SLC6A15: variants seen among roughly 807,000 people sequenced by gnomAD.
SLC6A15 encodes the protein solute carrier family 6 member 15.
In SLC6A15, 33 loss-of-function variants were observed where a neutral mutation model predicts 68.5. The observed-to-expected ratio is 0.48, with a 90% CI of 0.37 to 0.64. The LOEUF (loss-of-function observed/expected upper bound fraction) is 0.64. Among genes scored for constraint, SLC6A15 ranks in the 30% least tolerant of loss-of-function variants. The pLI is 0.00. For missense variants in SLC6A15, 747 were observed against 874.3 expected, an observed-to-expected ratio of 0.85 and a Z score of 1.84; for synonymous variants, 347 against 301.0, an observed-to-expected ratio of 1.15 and a Z score of -1.58.
intron 1 of SLC6A15, among the ~76,000 whole-genome samples, chr12:84,895,864 C>T (rs907686964): frequency 6.6e-6 from 1 of 151,904 alleles, no homozygotes; most frequent in Non-Finnish European, 1.5e-5. Flanking sequence ...TCTAAAAGCC[C>T]GCCTAAAAAC....
chr12:84,897,103 G>A (rs560764876), intron 1 of SLC6A15, among the ~76,000 whole-genome samples: 194 of 152,298 alleles, frequency 1.3e-3, no homozygotes, highest in African/African-American at 4.5e-3. Context: ...TGGGGCAGGA[G>A]AATCATTTGA....
intron 1 of SLC6A15, among the ~76,000 whole-genome samples, chr12:84,893,315 A>C (rs1872501806): frequency 6.6e-6 from 1 of 152,190 alleles, no homozygotes; most frequent in Admixed American, 6.5e-5. Flanking sequence ...ACCCAATCAT[A>C]AGGAAAAGTA....
intron 1 of SLC6A15, among the ~76,000 whole-genome samples, chr12:84,896,383 A>AG (rs1233527608): frequency 6.6e-6 from 1 of 152,136 alleles, no homozygotes; most frequent in Non-Finnish European, 1.5e-5. Flanking sequence ...AAAAAAAAAA[A>AG]GATTGTGTTG....
chr12:84,870,049 A>G (rs1441335848), intron 9 of SLC6A15, among the ~76,000 whole-genome samples: 2 of 151,936 alleles, frequency 1.3e-5, no homozygotes, highest in Non-Finnish European at 2.9e-5. Flanking sequence ...CTGCTGCTGT[A>G]TATGAGAACG....
Position 84,870,664 on chromosome 12 carries a change from G to A in SLC6A15, c.1309C>T (p.Gln437Ter). The A allele has an allele frequency of 6.2e-7, 1 of 1,606,568 alleles. No homozygotes were observed. The highest frequency in any genetic ancestry group is 8.5e-7 in the Non-Finnish European group (1 of 1,176,018). ...GCAATAAAAGCTAAGCCGGTCCCCT[G>A]AACAGCCTGCAAAATACACAAAATA... ...KIEEELNKAV[Q>*]GTGLAFIAFT... The change falls in exon 9 of 12, where the codon CAG becomes TAG. Residue 437 changes from glutamine (Q) to a stop codon, truncating the protein, a stop_gained. Coordinates refer to ENST00000266682, the MANE Select transcript of SLC6A15 (RefSeq NM_182767.6). LOFTEE classifies it high-confidence loss of function.
In SLC6A15 at chr12:84,860,132, T is replaced by C. The variant is rs1158764320; in HGVS notation, c.*1500A>G. ...TAATACTTTAAATGCTGTGATACCA[T>C]TTATTAACATCTATCTATAGCAGAG... On this transcript the variant is annotated 3_prime_UTR_variant, in exon 12 of 12. Coordinates refer to ENST00000266682, the MANE Select transcript of SLC6A15 (RefSeq NM_182767.6). 3 of 152,132 alleles carry C rather than the reference T, an allele frequency of 2.0e-5. No homozygotes were observed. The highest frequency in any genetic ancestry group is 3.8e-4 in the East Asian group (2 of 5,202). 9.4% of individuals were successfully genotyped at this position (152,132 alleles called of 1,614,324 possible).
intron 10 of SLC6A15, among the ~76,000 whole-genome samples, chr12:84,866,302 G>C (rs915017136): frequency 9.2e-5 from 14 of 152,106 alleles, no homozygotes; most frequent in African/African-American, 3.4e-4. Flanking sequence ...GAACTCTGGT[G>C]CTTCACATCA....
chr12:84,903,528 T>C (rs549516416), intron 1 of SLC6A15, among the ~76,000 whole-genome samples: 1 of 152,220 alleles, frequency 6.6e-6, no homozygotes, highest in East Asian at 1.9e-4. Context: ...TAAGTTACAG[T>C]CAACCAAAAT....
rs116203800 is a variant in SLC6A15 at position 84,907,805 on chromosome 12, C to T, written c.-189+4718G>A. Among the ~76,000 whole-genome samples, 1,126 of 152,234 alleles carry T rather than the reference C, an allele frequency of 7.4e-3. 13 individuals are homozygous for T. The highest frequency in any genetic ancestry group is 0.026 in the African/African-American group (1,069 of 41,544). On this transcript the variant is annotated intron_variant, in intron 1 of 11. Transcript: ENST00000266682. Reference sequence around the variant, plus strand: ...AACTAGAAATAATCCAGATGTCATTCAATGGGTAAATAGTTATAAATTCTG... The same window carrying T: ...AACTAGAAATAATCCAGATGTCATTTAATGGGTAAATAGTTATAAATTCTG...
intron 2 of SLC6A15, among the ~76,000 whole-genome samples, chr12:84,887,441 C>T (rs910544374): frequency 5.3e-5 from 8 of 152,084 alleles, no homozygotes; most frequent in African/African-American, 1.9e-4. Context: ...TATATCCAGG[C>T]ATTTCCCTAC....
chr12:84,863,968 A>T (rs941118190), intron 10 of SLC6A15, among the ~76,000 whole-genome samples: 1 of 151,182 alleles, frequency 6.6e-6, no homozygotes, highest in Non-Finnish European at 1.5e-5. Context: ...CTGCTTAAAT[A>T]TTATTAAGAA....
At chr12:84,889,533 TA>T (rs879732140) in intron 2 of SLC6A15, among the ~76,000 whole-genome samples, 16 of 150,912 alleles carry the variant, frequency 1.1e-4, no homozygotes, top group Middle Eastern at 3.4e-3. Flanking sequence ...AAAATAAAAA[TA>T]AAAAAAACAG....
chr12:84,884,123 A>C (rs1370707565), intron 4 of SLC6A15, 83 bp from the exon 5 acceptor site: 2 of 1,104,736 alleles, frequency 1.8e-6, no homozygotes, highest in Non-Finnish European at 2.7e-6. Flanking sequence ...CCTGTAAGTG[A>C]ATTCTTAATG....
At position 84,861,697 on chromosome 12, in the gene SLC6A15, C is replaced by T. The variant is rs144267969; in HGVS notation, c.2128G>A (p.Gly710Arg). 630 of 1,613,828 alleles carry T rather than the reference C, an allele frequency of 3.9e-4. No homozygotes were observed. The highest frequency in any genetic ancestry group is 4.9e-4 in the Non-Finnish European group (583 of 1,179,830). Residue 710 changes from glycine (G) to arginine (R), a missense_variant, in exon 12 of 12, where the codon GGA becomes AGA. Physicochemically the swap from Gly to Arg is moderately radical, Grantham distance 125. Coordinates refer to ENST00000266682, the MANE Select transcript of SLC6A15 (RefSeq NM_182767.6). ...GSPTLDTAPN[G>R]RYGIGYLMAD... is the part of the protein sequence containing the mutation. ...ATCAAGTACCCTATTCCATACCGTC[C>T]ATTGGGAGCAGTATCCAGAGTTGGG...
intron 1 of SLC6A15, among the ~76,000 whole-genome samples, chr12:84,906,099 TCACAGAATA>T (rs1418143991): frequency 2.0e-5 from 3 of 152,210 alleles, no homozygotes; most frequent in Non-Finnish European, 4.4e-5. Flanking sequence ...TCCAAAAAAG[TCACAGAATA>T]CACGGTAAAC....
chr12:84,864,137 AG>A (rs1296694268), intron 10 of SLC6A15, among the ~76,000 whole-genome samples: 1 of 151,300 alleles, frequency 6.6e-6, no homozygotes, highest in Non-Finnish European at 1.5e-5. Context: ...AATTAGTAAA[AG>A]TAATAATTCC....
At chr12:84,867,231 T>G (rs777831764) in intron 9 of SLC6A15, 38 bp from the exon 10 acceptor site, 2 of 1,523,184 alleles carry the variant, frequency 1.3e-6, no homozygotes, top group Admixed American at 4.3e-5. Flanking sequence ...GAGACTCTAT[T>G]CAGAGACAAG....
chr12:84,885,449 T>G lies in SLC6A15; in HGVS notation c.560A>C (p.Asn187Thr). 6.2e-7 allele frequency: 1 copy of G among 1,611,384 alleles called. No homozygotes were observed. Among genetic ancestry groups the G allele is most frequent in the Non-Finnish European group, 8.5e-7 (1 of 1,178,562 alleles). ...LPWDQCPLVK[N>T]ASHTFVEPEC... ...ACATATCTTACAAGTGTGTGAAGCA[T>G]TTTTCACCAAAGGACACTGATCCCA... is the stretch of plus-strand genomic sequence containing the variant. Residue 187 changes from asparagine (N) to threonine (T), a missense_variant, in exon 4 of 12, where the codon AAT (asparagine) becomes ACT (threonine). Physicochemically the swap from Asn to Thr is moderately conservative, Grantham distance 65 (BLOSUM62 0). Transcript: ENST00000266682.
chr12:84,894,872 T>A (rs908676498), intron 1 of SLC6A15, among the ~76,000 whole-genome samples: 3 of 152,062 alleles, frequency 2.0e-5, no homozygotes, highest in Non-Finnish European at 2.9e-5. Flanking sequence ...ATAAACACTT[T>A]GAATATAAAT....
Sources: allele counts gnomAD v4.1 joint callset (sites outside exome capture counted in the v4.1 genomes callset), GRCh38; gene constraint gnomAD v4.1.1; transcripts MANE v1.5; gene names NCBI Gene and HGNC (gene_info 2026-07-23, HGNC 2026-07-21).